INPP4B: variants seen among roughly 807,000 people sequenced by gnomAD.
INPP4B encodes inositol polyphosphate-4-phosphatase type II B.
INPP4B carries 55 observed loss-of-function variants against 122.5 expected under a neutral mutation model. The observed-to-expected ratio is 0.45, with a 90% CI of 0.36 to 0.56. INPP4B has a LOEUF of 0.56. Ranked by LOEUF, INPP4B falls within the 20% of genes least tolerant of loss-of-function variation. INPP4B has a pLI of 0.00. For synonymous variants in INPP4B, 403 were observed against 388.7 expected (o/e 1.04, Z -0.43); for missense variants, 1,000 against 1,097.7 (o/e 0.91, Z 1.26).
upstream of INPP4B, among the ~76,000 whole-genome samples, chr4:142,846,507 T>A (rs1024546067): frequency 6.6e-6 from 1 of 151,954 alleles, no homozygotes; most frequent in African/African-American, 2.4e-5. This position sits in a 1 kb window ranked among gnomAD's most constrained non-coding sequence, Gnocchi z 5.1. Flanking sequence ...CCCAGAGAAG[T>A]TGTCACCAGC....
At chr4:142,420,932 C>A (rs1290722431) in intron 5 of INPP4B, among the ~76,000 whole-genome samples, 1 of 152,106 alleles carries the variant, frequency 6.6e-6, no homozygotes, top group East Asian at 1.9e-4. Flanking sequence ...AAGTATTAAT[C>A]ATAAGTTAAC....
chr4:142,181,603 C>T (rs573741603), intron 15 of INPP4B, among the ~76,000 whole-genome samples: 1 of 152,148 alleles, frequency 6.6e-6, no homozygotes, highest in Non-Finnish European at 1.5e-5. Context: ...TAATGTTCAA[C>T]TTTAGCGATG....
At chr4:142,837,674 C>T (rs922499928) in intron 1 of INPP4B, among the ~76,000 whole-genome samples, 3 of 152,020 alleles carry the variant, frequency 2.0e-5, no homozygotes, top group African/African-American at 4.8e-5. Flanking sequence ...TAAAAAAAAT[C>T]CCTCAATACT....
chr4:142,303,239 CT>C (rs1360919127), intron 9 of INPP4B, among the ~76,000 whole-genome samples: 1 of 152,058 alleles, frequency 6.6e-6, no homozygotes, highest in Non-Finnish European at 1.5e-5. Flanking sequence ...GTTTTAGAAT[CT>C]GAATTATCAC....
intron 7 of INPP4B, among the ~76,000 whole-genome samples, chr4:142,356,505 G>A (rs1215501377): frequency 6.6e-6 from 1 of 151,798 alleles, no homozygotes; most frequent in East Asian, 2.0e-4. Flanking sequence ...GCAAAGACCA[G>A]GACCTGCAGG....
chr4:142,228,357 C>T (rs373655836), intron 12 of INPP4B, among the ~76,000 whole-genome samples: 3 of 151,838 alleles, frequency 2.0e-5, no homozygotes, highest in Admixed American at 6.6e-5. Flanking sequence ...TCTATAGGAA[C>T]AAAACTATAA....
At chr4:142,273,598 C>G (rs3102439) in intron 9 of INPP4B, among the ~76,000 whole-genome samples, 115,548 of 151,732 alleles carry the variant, frequency 0.76, 45,262 homozygotes, top group East Asian at 0.93. Flanking sequence ...TATCTATTCC[C>G]TTTCTTAAAG....
intron 14 of INPP4B, among the ~76,000 whole-genome samples, chr4:142,194,392 C>T (rs2149373270): frequency 6.6e-6 from 1 of 152,190 alleles, no homozygotes; most frequent in African/African-American, 2.4e-5. Context: ...GGATTTTAAC[C>T]TAGGGCTAAG....
At chr4:142,588,008 G>C (rs1444043026) in intron 2 of INPP4B, among the ~76,000 whole-genome samples, 2 of 151,790 alleles carry the variant, frequency 1.3e-5, no homozygotes, top group African/African-American at 4.8e-5. Flanking sequence ...GCAAGTCTGG[G>C]TCAACATATG....
intron 7 of INPP4B, among the ~76,000 whole-genome samples, chr4:142,350,510 GT>G (rs1431795462): frequency 1.3e-5 from 2 of 151,648 alleles, no homozygotes; most frequent in African/African-American, 4.8e-5. Flanking sequence ...CTTCCCCTAG[GT>G]TTACCTCATT....
At chr4:142,577,209 T>A (rs910504210) in intron 2 of INPP4B, among the ~76,000 whole-genome samples, 1 of 151,986 alleles carries the variant, frequency 6.6e-6, no homozygotes, top group Admixed American at 6.6e-5. Flanking sequence ...TTGTTCACCA[T>A]TTTCTTAAAC....
intron 25 of INPP4B, among the ~76,000 whole-genome samples, chr4:142,058,882 A>G (rs1437842835): frequency 6.6e-6 from 1 of 152,154 alleles, no homozygotes; most frequent in African/African-American, 2.4e-5. Context: ...CACAACTAAA[A>G]TTGAAAATAA....
intron 1 of INPP4B, among the ~76,000 whole-genome samples, chr4:142,830,850 CAAAAAAAA>C (rs70949194): frequency 1.6e-4 from 15 of 91,482 alleles, no homozygotes; most frequent in East Asian, 8.5e-4. Context: ...GCTGTCTCTA[CAAAAAAAA>C]AAAAAAAAAA....
intron 7 of INPP4B, among the ~76,000 whole-genome samples, chr4:142,332,837 TA>T (rs1775082563): frequency 6.9e-6 from 1 of 144,886 alleles, no homozygotes; most frequent in Admixed American, 6.8e-5. Flanking sequence ...ATCCCGTCTC[TA>T]CTAAAAATTA....
chr4:142,737,678 C>A (rs552814598), intron 1 of INPP4B, among the ~76,000 whole-genome samples: 228 of 152,234 alleles, frequency 1.5e-3, no homozygotes, highest in African/African-American at 5.4e-3. Flanking sequence ...AACAGGCAAC[C>A]TACAGAATGG....
chr4:142,038,577 G>A (rs1050604951), intron 25 of INPP4B, among the ~76,000 whole-genome samples: 72 of 152,296 alleles, frequency 4.7e-4, no homozygotes, highest in African/African-American at 1.7e-3. Flanking sequence ...TAAGGGAAGG[G>A]TTCCTGTAAA....
chr4:142,159,326 A>T (rs1307856642), intron 17 of INPP4B, among the ~76,000 whole-genome samples: 1 of 151,992 alleles, frequency 6.6e-6, no homozygotes, highest in Non-Finnish European at 1.5e-5. Context: ...GCTCTTTGAA[A>T]ATGCTTCATT....
chr4:142,614,238 C>T (rs150484205), intron 2 of INPP4B, among the ~76,000 whole-genome samples: 2,928 of 152,090 alleles, frequency 0.019, 48 homozygotes, highest in Non-Finnish European at 0.033. Flanking sequence ...AACAAACAAA[C>T]AAACCCAAAA....
intron 5 of INPP4B, chr4:142,426,712 A>AT (rs1386060656): frequency 1.3e-5 from 2 of 152,000 alleles, no homozygotes; most frequent in African/African-American, 4.8e-5. Context: ...TAATTATTAT[A>AT]TAGCAGCACA....
Sources: gnomAD v4.1 joint callset for allele counts (sites outside exome capture counted in the v4.1 genomes callset) on GRCh38, gnomAD v4.1.1 for gene constraint, Gnocchi (gnomAD v3.1) non-coding constraint, MANE v1.5 for transcripts, NCBI Gene and HGNC (gene_info 2026-07-23, HGNC 2026-07-21) for gene names.